TENM2: variants seen among roughly 807,000 people sequenced by gnomAD.
The protein encoded by TENM2 is teneurin transmembrane protein 2, also known as teneurin-2.
A neutral mutation model predicts 245.2 loss-of-function variants in TENM2; 52 were observed. The ratio of observed to expected loss-of-function variants is 0.21; its 90% CI spans 0.17 to 0.27. TENM2 has a LOEUF of 0.27. TENM2 is among the 10% of genes least tolerant of loss of function. The probability of loss-of-function intolerance (pLI) is 1.00; values close to 1 mark genes in which losing one functional copy is unlikely to be tolerated. For missense variants in TENM2, 3,046 were observed against 3,666.8 expected (o/e 0.83, Z 4.37); for synonymous variants, 1,363 against 1,438.9 (o/e 0.95, Z 1.19).
intron 2 of TENM2, among the ~76,000 whole-genome samples, chr5:167,845,421 C>T (rs1171961784): frequency 2.6e-5 from 4 of 152,244 alleles, no homozygotes; most frequent in African/African-American, 7.2e-5. Flanking sequence ...TTCTTAATCA[C>T]CTTCATTAAT....
intron 2 of TENM2, among the ~76,000 whole-genome samples, chr5:167,687,121 G>A (rs908748785): frequency 2.0e-5 from 3 of 152,154 alleles, no homozygotes; most frequent in African/African-American, 7.2e-5. Context: ...CTGACCTTGT[G>A]TGATGTGTTC....
intron 2 of TENM2, among the ~76,000 whole-genome samples, chr5:167,386,439 T>G (rs1237493554): frequency 6.6e-6 from 1 of 152,154 alleles, no homozygotes; most frequent in South Asian, 2.1e-4. Flanking sequence ...GTATAGATTG[T>G]GAAGATTTTC....
At chr5:168,214,381 T>C (rs1481341658) in intron 20 of TENM2, among the ~76,000 whole-genome samples, 1 of 152,218 alleles carries the variant, frequency 6.6e-6, no homozygotes, top group Non-Finnish European at 1.5e-5. Flanking sequence ...CACTGTTACC[T>C]AGATTTGAAA....
At chr5:167,975,346 G>A (rs928531106) in intron 4 of TENM2, among the ~76,000 whole-genome samples, 2 of 152,168 alleles carry the variant, frequency 1.3e-5, no homozygotes, top group Admixed American at 1.3e-4. Context: ...GCTGCCCTGG[G>A]ACTTGTTTTG....
At chr5:167,970,975 G>GT (rs1234413411) in intron 4 of TENM2, among the ~76,000 whole-genome samples, 1 of 151,996 alleles carries the variant, frequency 6.6e-6, no homozygotes, top group Non-Finnish European at 1.5e-5. Context: ...CGTATACTTT[G>GT]TTTTTTCAGT....
intron 2 of TENM2, among the ~76,000 whole-genome samples, chr5:167,730,827 C>T (rs1760371353): frequency 6.6e-6 from 1 of 152,182 alleles, no homozygotes; most frequent in Admixed American, 6.5e-5. Flanking sequence ...ACCAAACTGG[C>T]TGTTACATTT....
Position 168,126,488 on chromosome 5 carries a change from G to C in TENM2, c.2210-266G>C, listed in dbSNP as rs1529682. Among the ~76,000 whole-genome samples, 129,777 of 152,244 alleles carry C rather than the reference G, an allele frequency of 0.85. 55,658 individuals carry two copies. Among genetic ancestry groups the C allele is most frequent in the East Asian group, 0.97 (5,051 of 5,182 alleles). ...GATCTTCTAATTCACTTGGTCCAAC[G>C]AGGGCACAAGAGTCTACATTTCTAA... is the stretch of plus-strand genomic sequence containing the variant. On this transcript the variant is annotated intron_variant, in intron 11 of 28. Transcript: ENST00000518659.
intron 2 of TENM2, among the ~76,000 whole-genome samples, chr5:167,723,036 A>G (rs1299900339): frequency 2.0e-5 from 3 of 152,182 alleles, no homozygotes; most frequent in East Asian, 1.9e-4. Context: ...TATAACCACT[A>G]TGTCTGTCAT....
chr5:167,121,662 G>A, the TENM2 span, among the ~76,000 whole-genome samples: 7 of 152,214 alleles, frequency 4.6e-5, no homozygotes, highest in African/African-American at 1.7e-4. Context: ...TAGAACCTCA[G>A]TCCCCAGGTT....
chr5:167,083,208 A>C, the TENM2 span, among the ~76,000 whole-genome samples: 4 of 152,172 alleles, frequency 2.6e-5, no homozygotes, highest in African/African-American at 9.7e-5. Context: ...TCCCTAAACC[A>C]TAGCACTCAG....
chr5:167,250,679 T>C, the TENM2 span, among the ~76,000 whole-genome samples: 1 of 152,140 alleles, frequency 6.6e-6, no homozygotes, highest in African/African-American at 2.4e-5. Context: ...GTTTCTGCAA[T>C]GTGGCGAATC....
At chr5:167,030,210 A>AC in the TENM2 span, among the ~76,000 whole-genome samples, 1 of 152,038 alleles carries the variant, frequency 6.6e-6, no homozygotes, top group South Asian at 2.1e-4. Context: ...CTGAACACTC[A>AC]CACTTCTCCT....
At chr5:167,203,317 C>G in the TENM2 span, among the ~76,000 whole-genome samples, 2 of 152,192 alleles carry the variant, frequency 1.3e-5, no homozygotes, top group Non-Finnish European at 2.9e-5. Flanking sequence ...TGGGAATACT[C>G]AGTGTTTTTC....
chr5:167,880,399 T>C (rs1773784002), intron 3 of TENM2, among the ~76,000 whole-genome samples: 1 of 152,176 alleles, frequency 6.6e-6, no homozygotes, highest in African/African-American at 2.4e-5. Flanking sequence ...AGGAAAAATT[T>C]AAGGGAGAAA....
At chr5:167,646,948 T>C (rs1210470630) in intron 2 of TENM2, among the ~76,000 whole-genome samples, 1 of 152,120 alleles carries the variant, frequency 6.6e-6, no homozygotes, top group Non-Finnish European at 1.5e-5. Flanking sequence ...AACGCAGCAA[T>C]TGAAAAGCCA....
chr5:168,130,738 A>T (rs567851742), intron 12 of TENM2, among the ~76,000 whole-genome samples: 27 of 152,158 alleles, frequency 1.8e-4, no homozygotes, highest in Admixed American at 1.7e-3. Context: ...TCACTACAAA[A>T]ATTAGCTGGG....
intron 2 of TENM2, among the ~76,000 whole-genome samples, chr5:167,863,100 C>T (rs749674222): frequency 3.3e-5 from 5 of 152,140 alleles, no homozygotes; most frequent in Non-Finnish European, 7.3e-5. Context: ...TGTCAAGTCC[C>T]GTGATCTCTT....
intron 2 of TENM2, among the ~76,000 whole-genome samples, chr5:167,843,707 A>T (rs2151167664): frequency 6.6e-6 from 1 of 152,330 alleles, no homozygotes; most frequent in East Asian, 1.9e-4. Flanking sequence ...GTACTTTAAT[A>T]GGCTCAGCTG....
chr5:167,309,875 G>A (rs1237907396), intron 1 of TENM2: 3 of 152,274 alleles, frequency 2.0e-5, no homozygotes, highest in Non-Finnish European at 2.9e-5. Flanking sequence ...ACCCTTGTAG[G>A]AGAGATTTTG....
Sources: gnomAD v4.1 joint callset for allele counts (sites outside exome capture counted in the v4.1 genomes callset) on GRCh38, gnomAD v4.1.1 for gene constraint, MANE v1.5 for transcripts, NCBI Gene and HGNC (gene_info 2026-07-23, HGNC 2026-07-21) for gene names.